RBFOX3: variants seen among roughly 807,000 people sequenced by gnomAD.
RBFOX3 encodes the protein RNA binding fox-1 homolog 3.
In RBFOX3, 17 loss-of-function variants were observed where a neutral mutation model predicts 48.7. The observed-to-expected ratio is 0.35, with a 90% confidence interval of 0.24 to 0.52. RBFOX3 has a LOEUF of 0.52. RBFOX3 is among the 20% of genes least tolerant of loss of function. The pLI is 0.94. For synonymous variants in RBFOX3, 212 were observed against 209.5 expected (o/e 1.01, Z -0.10); for missense variants, 382 against 497.5 (o/e 0.77, Z 2.21).
chr17:79,223,947 G>T (rs976824265), intron 4 of RBFOX3, among the ~76,000 whole-genome samples: 1 of 152,204 alleles, frequency 6.6e-6, no homozygotes, highest in Non-Finnish European at 1.5e-5. Context: ...GGAGGCAAAG[G>T]TGTGTATATT....
Position 79,482,066 on chromosome 17 carries a change from G to T in RBFOX3, c.-175+388C>A, listed in dbSNP as rs8077405. Among the ~76,000 whole-genome samples the T allele has an allele frequency of 2.2e-3, 336 of 152,208 alleles. 11 individuals carry two copies. Among genetic ancestry groups the T allele is most frequent in the Non-Finnish European group, 1.5e-4 (10 of 68,008 alleles). On this transcript the variant is annotated intron_variant, in intron 2 of 14. Coordinates refer to ENST00000693108, the MANE Select transcript of RBFOX3 (RefSeq NM_001350451.2). This position sits in a 1 kb window ranked among gnomAD's most constrained non-coding sequence, Gnocchi z 4.1. ...TTCAGGGCCCTCCCTGAGCCGCGGA[G>T]CAATCTGGGCAGCAGAACACGAACC... is the stretch of plus-strand genomic sequence containing the variant.
chr17:79,478,245 C>T (rs1555764120), intron 2 of RBFOX3, among the ~76,000 whole-genome samples: 1 of 152,306 alleles, frequency 6.6e-6, no homozygotes, highest in Non-Finnish European at 1.5e-5. Flanking sequence ...AGGAAGCACG[C>T]TCATTTGGAG....
At chr17:79,617,934 C>T in the RBFOX3 span, among the ~76,000 whole-genome samples, 2 of 152,190 alleles carry the variant, frequency 1.3e-5, no homozygotes, top group Non-Finnish European at 2.9e-5. Flanking sequence ...AGCGCATCTG[C>T]GATGTCACAT....
At chr17:79,347,041 T>C (rs761468981) in intron 2 of RBFOX3, among the ~76,000 whole-genome samples, 30 of 152,244 alleles carry the variant, frequency 2.0e-4, no homozygotes, top group Non-Finnish European at 3.8e-4. Context: ...ACATCTAGCT[T>C]CTTTTTCTCT....
chr17:79,663,368 T>C, the RBFOX3 span, among the ~76,000 whole-genome samples: 2 of 152,240 alleles, frequency 1.3e-5, no homozygotes, highest in African/African-American at 4.8e-5. Context: ...AGACTCTTAA[T>C]GCAGCCAAAG....
rs1002120039 is a variant in RBFOX3 at position 79,177,560 on chromosome 17, T to C, written c.-34+58206A>G. Among the ~76,000 whole-genome samples, 3 of 152,236 alleles carry C rather than the reference T, an allele frequency of 2.0e-5. No homozygotes were observed. The East Asian group carries it at 5.8e-4, about 29-fold the overall frequency. ...GAGCCCAACCTGCTCCTCTGGCCCA[T>C]ACCGGTTGGAGAGCCAGGGGGCACA... On this transcript the variant is annotated intron_variant, in intron 4 of 14. Coordinates refer to ENST00000693108, the MANE Select transcript of RBFOX3 (RefSeq NM_001350451.2).
At chr17:79,167,311 T>C (rs1306776319) in intron 4 of RBFOX3, among the ~76,000 whole-genome samples, 2 of 126,772 alleles carry the variant, frequency 1.6e-5, no homozygotes, top group African/African-American at 3.8e-5. Context: ...CATCAGGCTC[T>C]GGGGGGCCCC....
intron 4 of RBFOX3, among the ~76,000 whole-genome samples, chr17:79,221,612 G>T (rs186759816): frequency 2.9e-3 from 438 of 152,334 alleles, no homozygotes; most frequent in Admixed American, 4.7e-3. Context: ...TGGTAAGGTG[G>T]GGTCCGGGCG....
chr17:79,355,128 C>T (rs1245971680), intron 2 of RBFOX3, among the ~76,000 whole-genome samples: 1 of 152,186 alleles, frequency 6.6e-6, no homozygotes, highest in Non-Finnish European at 1.5e-5. Context: ...TAAAACATGA[C>T]CGTGTAATCA....
intron 1 of RBFOX3, among the ~76,000 whole-genome samples, chr17:79,596,418 C>T (rs1050122616): frequency 3.3e-5 from 5 of 152,282 alleles, no homozygotes; most frequent in Admixed American, 3.3e-4. Flanking sequence ...GTGTGCCCAG[C>T]ACCAGCCAGG....
intron 3 of RBFOX3, among the ~76,000 whole-genome samples, chr17:79,296,373 T>C (rs2074344736): frequency 6.6e-6 from 1 of 151,970 alleles, no homozygotes; most frequent in African/African-American, 2.4e-5. Context: ...ACTCATCTCA[T>C]TACTTAATAA....
intron 4 of RBFOX3, among the ~76,000 whole-genome samples, chr17:79,124,331 A>G (rs2036580645): frequency 6.6e-6 from 1 of 152,234 alleles, no homozygotes; most frequent in Non-Finnish European, 1.5e-5. Context: ...GCTGCCCCGG[A>G]GGCCTGAACG....
At chr17:79,300,529 C>A (rs2075138570) in intron 3 of RBFOX3, among the ~76,000 whole-genome samples, 1 of 152,162 alleles carries the variant, frequency 6.6e-6, no homozygotes, top group Non-Finnish European at 1.5e-5. Context: ...AGGGGAGAAT[C>A]TGTGTGGGTT....
intron 1 of RBFOX3, among the ~76,000 whole-genome samples, chr17:79,491,926 A>G (rs2080735241): frequency 6.6e-6 from 1 of 152,178 alleles, no homozygotes. Flanking sequence ...CTAAAAAACT[A>G]CAAAAATTAG....
chr17:79,132,473 G>A (rs183797999), intron 4 of RBFOX3, among the ~76,000 whole-genome samples: 113 of 152,334 alleles, frequency 7.4e-4, no homozygotes, highest in Non-Finnish European at 1.6e-4. Context: ...GCGCCACGGG[G>A]GATCAGCACC....
At chr17:79,533,834 G>T (rs2088249021) in intron 1 of RBFOX3, among the ~76,000 whole-genome samples, 1 of 152,156 alleles carries the variant, frequency 6.6e-6, no homozygotes, top group South Asian at 2.1e-4. Context: ...GCAAAAAGAA[G>T]AAAATAAAAA....
intron 1 of RBFOX3, among the ~76,000 whole-genome samples, chr17:79,556,000 C>T (rs1462552274): frequency 6.6e-6 from 1 of 152,092 alleles, no homozygotes; most frequent in Non-Finnish European, 1.5e-5. Context: ...AGACAGGCCC[C>T]ATTGGAAAGA....
At chr17:79,550,453 T>TCACA (rs1189002059) in intron 1 of RBFOX3, among the ~76,000 whole-genome samples, 31 of 151,850 alleles carry the variant, frequency 2.0e-4, no homozygotes, top group African/African-American at 7.0e-4. Context: ...AGGAAGTACA[T>TCACA]CACACACACA....
At chr17:79,465,435 C>T (rs2076183392) in intron 2 of RBFOX3, among the ~76,000 whole-genome samples, 1 of 152,324 alleles carries the variant, frequency 6.6e-6, no homozygotes. Context: ...GCTGCTTCCC[C>T]TGGCCCTGCC....
Sources: allele counts gnomAD v4.1 joint callset (sites outside exome capture counted in the v4.1 genomes callset), GRCh38; gene constraint gnomAD v4.1.1; non-coding constraint Gnocchi (gnomAD v3.1); transcripts MANE v1.5; gene names NCBI Gene and HGNC (gene_info 2026-07-23, HGNC 2026-07-21).